Variants in PSIP1 observed in about 807,000 individuals in gnomAD.
PSIP1 encodes the protein PC4 and SRSF1 interacting protein 1, also known as PC4 and SFRS1-interacting protein.
PSIP1 carries 19 observed loss-of-function variants against 74.7 expected under a neutral mutation model. The ratio of observed to expected loss-of-function variants is 0.25; its 90% CI spans 0.18 to 0.37. The LOEUF is 0.37. Among genes scored for constraint, PSIP1 ranks in the 10% least tolerant of loss-of-function variants. The probability of loss-of-function intolerance (pLI) is 1.00; values close to 1 mark genes in which losing one functional copy is unlikely to be tolerated. For missense variants in PSIP1, 601 were observed against 614.3 expected (o/e 0.98, Z 0.23); for synonymous variants, 222 against 195.3 (o/e 1.14, Z -1.14).
rs764380448 is a variant in PSIP1, at chr9:15,510,231, G to C, written c.-43C>G. The C allele has an allele frequency of 6.4e-7, 1 of 1,574,718 alleles. No individual in the cohort carries two copies. The highest frequency in any genetic ancestry group is 2.4e-5 in the East Asian group (1 of 42,376). ...GGGGGTCCGAAGCCCGGGAGGCGGC[G>C]AGGAGATGCGGCGGCGCGGGGATGC... On this transcript the variant is annotated 5_prime_UTR_variant, in exon 2 of 16. Transcript: ENST00000380733.
At chr9:15,502,460 A>G in intron 3 of PSIP1, among the ~76,000 whole-genome samples, 1 of 152,228 alleles carries the variant, frequency 6.6e-6, no homozygotes, top group East Asian at 1.9e-4. Flanking sequence ...TTTACCCCCC[A>G]AGACAGGGTC....
intron 2 of PSIP1, among the ~76,000 whole-genome samples, chr9:15,508,254 CTA>C (rs2132251345): frequency 6.6e-6 from 1 of 152,158 alleles, no homozygotes; most frequent in South Asian, 2.1e-4. Context: ...AATATGGACT[CTA>C]AACTCTACAG....
chr9:15,503,560 G>A (rs1015249982), intron 3 of PSIP1, among the ~76,000 whole-genome samples: 28 of 151,468 alleles, frequency 1.8e-4, no homozygotes, highest in African/African-American at 6.8e-4. Flanking sequence ...TACTTGGGAA[G>A]TTGAGATGGG....
intron 14 of PSIP1, among the ~76,000 whole-genome samples, chr9:15,468,013 T>G (rs1159440798): frequency 4.0e-5 from 6 of 151,152 alleles, no homozygotes; most frequent in African/African-American, 9.8e-5. Context: ...CCAGCTACTC[T>G]GGAGGTTGAG....
chr9:15,493,881 GAC>G (rs1360282185), intron 3 of PSIP1, among the ~76,000 whole-genome samples: 1 of 152,098 alleles, frequency 6.6e-6, no homozygotes, highest in African/African-American at 2.4e-5. Flanking sequence ...TTTGGGTGGG[GAC>G]ACAGAGCCAA....
At position 15,469,072 on chromosome 9, in the gene PSIP1, C is replaced by T; in HGVS notation, c.1105-14G>A. On this transcript the variant is annotated splice_polypyrimidine_tract_variant and intron_variant, in intron 12 of 15. Transcript: ENST00000380733. ...TCTGTTCACATCCTTCATGACAAAA[C>T]AGTAATTTCATAGCTGTTAATTATC... 1 of 1,604,032 alleles carries T rather than the reference C, an allele frequency of 6.2e-7. No individual in the cohort carries two copies. Among genetic ancestry groups the T allele is most frequent in the Non-Finnish European group, 8.5e-7 (1 of 1,173,610 alleles).
intron 2 of PSIP1, 120 bp downstream of exon 2, chr9:15,509,997 A>C (rs917846376): frequency 1.4e-5 from 14 of 1,026,900 alleles, no homozygotes; most frequent in Non-Finnish European, 2.0e-5. Flanking sequence ...AGGTCAGGTT[A>C]CAAATGAGAC....
At chr9:15,491,174 T>A (rs576056741) in intron 3 of PSIP1, among the ~76,000 whole-genome samples, 1 of 152,248 alleles carries the variant, frequency 6.6e-6, no homozygotes, top group Non-Finnish European at 1.5e-5. Context: ...GTATGTAACA[T>A]GCGCTTTCTC....
chr9:15,499,532 A>G (rs2037234591), intron 3 of PSIP1, among the ~76,000 whole-genome samples: 1 of 152,202 alleles, frequency 6.6e-6, no homozygotes, highest in African/African-American at 2.4e-5. Flanking sequence ...AATACCCACA[A>G]GAACACACAC....
intron 3 of PSIP1, among the ~76,000 whole-genome samples, chr9:15,493,905 A>AG (rs1430569539): frequency 3.3e-5 from 5 of 152,228 alleles, no homozygotes; most frequent in African/African-American, 1.2e-4. Flanking sequence ...CCATATCAGT[A>AG]GGTCAGGGAC....
Position 15,473,994 on chromosome 9 carries a change from A to G in PSIP1, c.858+15T>C. On this transcript the variant is annotated intron_variant, in intron 9 of 15. Coordinates refer to ENST00000380733, the MANE Select transcript of PSIP1 (RefSeq NM_033222.5). ...TAAGAATAGAACAGCCATTTTATAT[A>G]TGTAAACTTTATACCTTTTCACCTT... The G allele has an allele frequency of 6.3e-7, 1 of 1,581,150 alleles. No individual in the cohort carries two copies. Among genetic ancestry groups the G allele is most frequent in the South Asian group, 1.1e-5 (1 of 88,392 alleles).
At chr9:15,467,039 TG>T (rs33917550) in intron 14 of PSIP1, among the ~76,000 whole-genome samples, 180 bp from the exon 15 acceptor site, 142,309 of 152,178 alleles carry the variant, frequency 0.94, 66,713 homozygotes, top group African/African-American at 0.98. Flanking sequence ...TGGGTTTTGA[TG>T]GCTTTGTCAA....
In PSIP1 at chr9:15,468,645, C is replaced by G. The variant is rs1425578383; in HGVS notation, c.1405G>C (p.Glu469Gln). The G allele has an allele frequency of 4.3e-6, 7 of 1,613,958 alleles. No homozygotes were observed. Among genetic ancestry groups the G allele is most frequent in the Non-Finnish European group, 5.1e-6 (6 of 1,179,958 alleles). ...QGKKGPNKKL[E>Q]KEQTGSKTLN... ...TACCACATACCTGTTTGTTCCTTCT[C>G]TAGCTTTTTGTTTGGCCCTTTCTTC... Residue 469 changes from glutamate to glutamine, a missense_variant, in exon 14 of 16, where the codon GAG becomes CAG. Transcript: ENST00000380733.
chr9:15,501,398 A>G (rs1237348268), intron 3 of PSIP1, among the ~76,000 whole-genome samples: 2 of 125,152 alleles, frequency 1.6e-5, no homozygotes, highest in African/African-American at 3.9e-5. Context: ...GAAAAGGGGA[A>G]AAAAAAAAAT....
intron 3 of PSIP1, among the ~76,000 whole-genome samples, chr9:15,496,189 T>C (rs1232562419): frequency 6.6e-6 from 1 of 152,240 alleles, no homozygotes; most frequent in Admixed American, 6.5e-5. Flanking sequence ...GTTTATACAA[T>C]TAGTTAATAT....
At chr9:15,471,234 G>A (rs1311688634) in intron 10 of PSIP1, 2 of 1,603,166 alleles carry the variant, frequency 1.2e-6, no homozygotes, top group Admixed American at 1.7e-5. Flanking sequence ...TTGTTTGGCT[G>A]GGAATACAAT....
chr9:15,485,115 T>C (rs540561181), intron 6 of PSIP1, among the ~76,000 whole-genome samples: 5 of 152,286 alleles, frequency 3.3e-5, no homozygotes, highest in African/African-American at 7.2e-5. Flanking sequence ...AGGAGGTATC[T>C]AAAATTTAAA....
At chr9:15,499,742 C>T (rs188248278) in intron 3 of PSIP1, among the ~76,000 whole-genome samples, 62 of 152,022 alleles carry the variant, frequency 4.1e-4, no homozygotes, top group Admixed American at 1.4e-3. Context: ...GGCTTGGGGG[C>T]GCGTCCCTGT....
At chr9:15,503,178 C>G (rs2037423208) in intron 3 of PSIP1, among the ~76,000 whole-genome samples, 1 of 149,462 alleles carries the variant, frequency 6.7e-6, no homozygotes, top group Non-Finnish European at 1.5e-5. Context: ...ACCAGCCTGG[C>G]CAACATGGTG....
Sources: gnomAD v4.1 joint callset for allele counts (sites outside exome capture counted in the v4.1 genomes callset) on GRCh38, gnomAD v4.1.1 for gene constraint, MANE v1.5 for transcripts, NCBI Gene and HGNC (gene_info 2026-07-23, HGNC 2026-07-21) for gene names.